TMEM178A: variants seen among roughly 807,000 people sequenced by gnomAD.
TMEM178A encodes the protein transmembrane protein 178.
TMEM178A carries 12 observed loss-of-function variants against 29.1 expected under a neutral mutation model. That is an observed-to-expected ratio of 0.41 (90% confidence interval 0.26 to 0.67). The LOEUF (loss-of-function observed/expected upper bound fraction) is 0.67. Ranked by LOEUF, TMEM178A falls within the 30% of genes least tolerant of loss-of-function variation. The pLI is 0.29. For synonymous variants in TMEM178A, 210 were observed against 187.2 expected (o/e 1.12, Z -0.99); for missense variants, 366 against 419.1 (o/e 0.87, Z 1.11).
At chr2:39,735,638 A>G in the TMEM178A span, among the ~76,000 whole-genome samples, 4,203 of 152,338 alleles carry the variant, frequency 0.028, 187 homozygotes, top group African/African-American at 0.095. Context: ...ATCAGTCTCC[A>G]TTATCAGAGT....
chr2:39,674,101 G>T (rs185918090), intron 1 of TMEM178A, among the ~76,000 whole-genome samples: 46 of 152,276 alleles, frequency 3.0e-4, no homozygotes, highest in Non-Finnish European at 7.4e-5. Context: ...TTGGTTGAAG[G>T]AAGCTACAAC....
At chr2:39,673,175 A>G (rs1262187677) in intron 1 of TMEM178A, among the ~76,000 whole-genome samples, 1 of 152,210 alleles carries the variant, frequency 6.6e-6, no homozygotes, top group Non-Finnish European at 1.5e-5. Flanking sequence ...GCCTTGGAGC[A>G]TGAGAGAGTC....
chr2:39,686,899 C>G (rs1671098483), intron 1 of TMEM178A, among the ~76,000 whole-genome samples: 1 of 150,956 alleles, frequency 6.6e-6, no homozygotes, highest in Non-Finnish European at 1.5e-5. Flanking sequence ...AAAATTAGGG[C>G]TGGAAATGTT....
chr2:39,673,715 C>T (rs1030509987), intron 1 of TMEM178A, among the ~76,000 whole-genome samples: 1 of 152,302 alleles, frequency 6.6e-6, no homozygotes, highest in African/African-American at 2.4e-5. Context: ...AACTTGCACT[C>T]TTAAGGTCTG....
In TMEM178A at chr2:39,704,115, C is replaced by T. The variant is rs375151652; in HGVS notation, c.435C>T (p.His145=). Residue 145 remains histidine, a synonymous_variant, in exon 2 of 4, where the codon CAC becomes CAT. Coordinates refer to ENST00000281961, the MANE Select transcript of TMEM178A (RefSeq NM_152390.3). ...IAQRCTAIKY[H]FSQPIRLRNI... is the part of the protein sequence containing the mutation. ...AGCGATGCACGGCCATCAAGTACCA[C>T]TTTTCTCAGCCCATCCGCTTGCGAA... 23 of 1,614,068 alleles carry T rather than the reference C, an allele frequency of 1.4e-5. No individual in the cohort carries two copies. Among genetic ancestry groups the T allele is most frequent in the Non-Finnish European group, 1.9e-5 (23 of 1,180,042 alleles).
At position 39,666,107 on chromosome 2, in the gene TMEM178A, C is replaced by T; in HGVS notation, c.133C>T (p.Arg45Cys). 1 of 1,559,476 alleles carries T rather than the reference C, an allele frequency of 6.4e-7. No homozygotes were observed. Among genetic ancestry groups the T allele is most frequent in the Non-Finnish European group, 8.6e-7 (1 of 1,157,570 alleles). Residue 45 changes from arginine to cysteine, a missense_variant, in exon 1 of 4, where the codon CGC becomes TGC. By Grantham distance (180) the Arg-to-Cys change is radical (BLOSUM62 -3). This residue lies in a region of TMEM178A where 247 missense variants were observed against 246.8 expected (regional missense o/e 1.00). Transcript: ENST00000281961. ...CCGGCGCCACAAGGAGAGCTGCGAGCGCAGCCGCGCGGGCGCCGACCCCCC... is the reference window on the plus strand; with the variant it reads ...CCGGCGCCACAAGGAGAGCTGCGAGTGCAGCCGCGCGGGCGCCGACCCCCC... ...DPRRHKESCE[R>C]SRAGADPPDQ...
At chr2:39,699,304 G>A (rs1294858699) in intron 1 of TMEM178A, among the ~76,000 whole-genome samples, 6 of 152,084 alleles carry the variant, frequency 3.9e-5, no homozygotes, top group East Asian at 3.9e-4. Flanking sequence ...TGGGATTATG[G>A]GCATAACCAA....
At chr2:39,731,384 G>C in the TMEM178A span, among the ~76,000 whole-genome samples, 1 of 152,200 alleles carries the variant, frequency 6.6e-6, no homozygotes, top group Non-Finnish European at 1.5e-5. Flanking sequence ...AAGTTCAAAA[G>C]CATAGTGCCA....
At chr2:39,698,609 T>A (rs1370125677) in intron 1 of TMEM178A, among the ~76,000 whole-genome samples, 1 of 152,176 alleles carries the variant, frequency 6.6e-6, no homozygotes, top group Non-Finnish European at 1.5e-5. Context: ...GAATAGTATG[T>A]AATTTCCTTT....
At chr2:39,676,705 A>G (rs962451389) in intron 1 of TMEM178A, among the ~76,000 whole-genome samples, 11 of 152,214 alleles carry the variant, frequency 7.2e-5, no homozygotes, top group African/African-American at 2.4e-4. Context: ...CAGCCACGGA[A>G]GAGGGGTTCC....
rs1277339404 is a variant in TMEM178A, at chr2:39,717,391, T to G, written c.*140T>G. 6.3e-6 allele frequency: 8 copies of G among 1,268,886 alleles called. No individual in the cohort carries two copies. Among genetic ancestry groups the G allele is most frequent in the African/African-American group, 1.5e-5 (1 of 66,406 alleles). 78.6% of individuals were successfully genotyped at this position (1,268,886 alleles called of 1,614,324 possible). ...TTTCTGGATTACTGATAGAAAATCA[T>G]GCAAAACCTCCCAACCTTTCTAAGG... is the stretch of plus-strand genomic sequence containing the variant. On this transcript the variant is annotated 3_prime_UTR_variant, in exon 4 of 4. Transcript: ENST00000281961.
intron 1 of TMEM178A, among the ~76,000 whole-genome samples, chr2:39,701,463 G>T (rs1671778753): frequency 6.6e-6 from 1 of 151,764 alleles, no homozygotes; most frequent in Non-Finnish European, 1.5e-5. Context: ...CTTTTTTCTT[G>T]CTGCTTTCAG....
intron 1 of TMEM178A, among the ~76,000 whole-genome samples, chr2:39,698,323 G>A (rs996689209): frequency 6.6e-6 from 1 of 152,194 alleles, no homozygotes; most frequent in Non-Finnish European, 1.5e-5. Context: ...CTCATTTAGT[G>A]TAGTTAATAA....
chr2:39,707,476 T>C lies in TMEM178A; in HGVS notation c.652+290T>C, dbSNP rs549969485. On this transcript the variant is annotated intron_variant, in intron 3 of 3. Coordinates refer to ENST00000281961, the MANE Select transcript of TMEM178A (RefSeq NM_152390.3). ...TTTTTTTGCTGTACTTTCTTTTTTCTTTTTTGTTTTTTTGAGATGGAGTCT... is the reference window on the plus strand; with the variant it reads ...TTTTTTTGCTGTACTTTCTTTTTTCCTTTTTGTTTTTTTGAGATGGAGTCT... 6.6e-5 allele frequency among the ~76,000 whole-genome samples: 10 copies of C among 152,260 alleles called. No homozygotes were observed. The South Asian group carries it at 1.7e-3, about 25-fold the overall frequency.
chr2:39,712,707 A>T (rs554840171), intron 3 of TMEM178A, among the ~76,000 whole-genome samples: 1 of 152,174 alleles, frequency 6.6e-6, no homozygotes, highest in East Asian at 1.9e-4. Context: ...CTGGCTGAAG[A>T]GTATCAGCTA....
At chr2:39,730,448 C>T in the TMEM178A span, among the ~76,000 whole-genome samples, 1 of 152,226 alleles carries the variant, frequency 6.6e-6, no homozygotes, top group African/African-American at 2.4e-5. Flanking sequence ...GTCAAGTTTC[C>T]CACGTGCAGG....
At chr2:39,667,559 G>T (rs986910874) in intron 1 of TMEM178A, among the ~76,000 whole-genome samples, 1 of 152,150 alleles carries the variant, frequency 6.6e-6, no homozygotes, top group Non-Finnish European at 1.5e-5. Flanking sequence ...ACAAACAGAC[G>T]GATTTGTGTT....
chr2:39,673,886 T>A (rs896581047), intron 1 of TMEM178A, among the ~76,000 whole-genome samples: 1 of 152,174 alleles, frequency 6.6e-6, no homozygotes, highest in Non-Finnish European at 1.5e-5. Flanking sequence ...GATTTTTTTT[T>A]AAACAGGAGG....
chr2:39,709,444 C>T (rs1437567263), intron 3 of TMEM178A, among the ~76,000 whole-genome samples: 1 of 152,234 alleles, frequency 6.6e-6, no homozygotes, highest in Admixed American at 6.5e-5. Flanking sequence ...AGGACTGTAG[C>T]ACAGGGAGGC....
Sources: gnomAD v4.1 joint callset for allele counts (sites outside exome capture counted in the v4.1 genomes callset) on GRCh38, gnomAD v4.1.1 for gene constraint, gnomAD v4.1.1 regional missense constraint, MANE v1.5 for transcripts, NCBI Gene and HGNC (gene_info 2026-07-23, HGNC 2026-07-21) for gene names.